Variants in SLCO6A1 observed in about 807,000 individuals in gnomAD.
SLCO6A1 encodes the protein cancer/testis antigen 48.
In SLCO6A1, 65 loss-of-function variants were observed where a neutral mutation model predicts 72.7. The ratio of observed to expected loss-of-function variants is 0.89; its 90% CI spans 0.73 to 1.10. The LOEUF is 1.10. Among genes scored for constraint, SLCO6A1 ranks in the 50% least tolerant of loss-of-function variants. SLCO6A1 has a pLI of 0.00. For missense variants in SLCO6A1, 874 were observed against 872.6 expected (o/e 1.00, Z -0.02); for synonymous variants, 314 against 298.2 (o/e 1.05, Z -0.55).
At chr5:102,491,318 G>C (rs551846549) in intron 1 of SLCO6A1, among the ~76,000 whole-genome samples, 59 of 152,376 alleles carry the variant, frequency 3.9e-4, no homozygotes, top group Non-Finnish European at 7.3e-4. Flanking sequence ...CAGGAGCCCA[G>C]ATGGCTTCAC....
chr5:102,382,952 G>GAT (rs1307792720), intron 12 of SLCO6A1, among the ~76,000 whole-genome samples: 4 of 139,270 alleles, frequency 2.9e-5, no homozygotes, highest in Non-Finnish European at 4.6e-5. Flanking sequence ...ATATATATGA[G>GAT]AGATATATAT....
At chr5:102,471,632 A>T (rs115383460) in intron 4 of SLCO6A1, among the ~76,000 whole-genome samples, 3,539 of 152,184 alleles carry the variant, frequency 0.023, 98 homozygotes, top group African/African-American at 0.068. Context: ...AACCTGTGAT[A>T]ATTTTAATAA....
chr5:102,421,621 T>A (rs187061983), intron 7 of SLCO6A1, among the ~76,000 whole-genome samples: 1 of 152,190 alleles, frequency 6.6e-6, no homozygotes, highest in Admixed American at 6.5e-5. Flanking sequence ...GCAGCCCCAG[T>A]CTGGGGCTTA....
At chr5:102,412,623 C>A (rs540656416) in intron 9 of SLCO6A1, among the ~76,000 whole-genome samples, 3 of 151,820 alleles carry the variant, frequency 2.0e-5, no homozygotes, top group African/African-American at 7.3e-5. Context: ...TAGCTGTGTG[C>A]GGTGGTGTGC....
At chr5:102,497,825 C>T (rs1234834011) in intron 1 of SLCO6A1, among the ~76,000 whole-genome samples, 1 of 152,204 alleles carries the variant, frequency 6.6e-6, no homozygotes, top group Non-Finnish European at 1.5e-5. Context: ...GCAGGACTAA[C>T]AAATTATCTA....
chr5:102,447,265 G>T (rs1245337790), intron 6 of SLCO6A1, among the ~76,000 whole-genome samples: 3 of 152,104 alleles, frequency 2.0e-5, no homozygotes, highest in Non-Finnish European at 4.4e-5. Flanking sequence ...GATTCAGTTT[G>T]CTAGTATTTT....
intron 6 of SLCO6A1, among the ~76,000 whole-genome samples, chr5:102,441,611 C>T (rs1322977733): frequency 6.6e-6 from 1 of 151,986 alleles, no homozygotes; most frequent in Non-Finnish European, 1.5e-5. Flanking sequence ...ATTGATTATA[C>T]TTGCATTGGA....
At chr5:102,476,755 G>T (rs1226538745) in intron 3 of SLCO6A1, among the ~76,000 whole-genome samples, 1 of 151,754 alleles carries the variant, frequency 6.6e-6, no homozygotes, top group Non-Finnish European at 1.5e-5. Context: ...TTAATTTGGG[G>T]TGCTCTAGCA....
intron 6 of SLCO6A1, among the ~76,000 whole-genome samples, chr5:102,457,447 G>A (rs1750788125): frequency 6.6e-6 from 1 of 151,680 alleles, no homozygotes; most frequent in Non-Finnish European, 1.5e-5. Flanking sequence ...CAAAGGATAT[G>A]AACAGACACT....
At chr5:102,389,282 T>C (rs1349791377) in intron 11 of SLCO6A1, among the ~76,000 whole-genome samples, 2 of 152,078 alleles carry the variant, frequency 1.3e-5, no homozygotes, top group African/African-American at 2.4e-5. Flanking sequence ...TAACTGAAAA[T>C]GCAAATACAC....
chr5:102,446,824 G>A (rs1372120323), intron 6 of SLCO6A1, among the ~76,000 whole-genome samples: 3 of 152,042 alleles, frequency 2.0e-5, no homozygotes, highest in Admixed American at 6.6e-5. Flanking sequence ...GAGCGATCTC[G>A]GCTCACCGCA....
At chr5:102,450,478 C>T (rs1233820765) in intron 6 of SLCO6A1, among the ~76,000 whole-genome samples, 7 of 152,224 alleles carry the variant, frequency 4.6e-5, no homozygotes, top group African/African-American at 1.2e-4. Flanking sequence ...GGCTCTTGCT[C>T]AGCCATGCAG....
At chr5:102,475,915 C>T in intron 3 of SLCO6A1, 122 bp from the exon 4 acceptor site, 1 of 564,528 alleles carries the variant, frequency 1.8e-6, no homozygotes, top group Non-Finnish European at 3.0e-6. Flanking sequence ...TTAGTCAGAG[C>T]TCTCCAGAGA....
At chr5:102,403,536 T>C (rs1301971985) in intron 9 of SLCO6A1, among the ~76,000 whole-genome samples, 1 of 152,158 alleles carries the variant, frequency 6.6e-6, no homozygotes, top group Non-Finnish European at 1.5e-5. Flanking sequence ...CTCCCATTTG[T>C]ATAGAAAAGA....
chr5:102,374,634 C>A (rs1745679767), intron 12 of SLCO6A1, among the ~76,000 whole-genome samples: 1 of 151,968 alleles, frequency 6.6e-6, no homozygotes, highest in South Asian at 2.1e-4. Context: ...TGATTCTATG[C>A]CATTTATAAT....
chr5:102,393,197 G>T (rs183245525), intron 10 of SLCO6A1, among the ~76,000 whole-genome samples: 1 of 151,948 alleles, frequency 6.6e-6, no homozygotes. Context: ...ATATAAGAAC[G>T]AAAGTGATAT....
chr5:102,464,647 G>A (rs1751220836), intron 4 of SLCO6A1, among the ~76,000 whole-genome samples: 1 of 152,182 alleles, frequency 6.6e-6, no homozygotes, highest in Non-Finnish European at 1.5e-5. Flanking sequence ...GGAGACAGAA[G>A]TTAAGTGAAC....
chr5:102,410,164 G>A (rs1580373572), intron 9 of SLCO6A1, among the ~76,000 whole-genome samples: 1 of 152,282 alleles, frequency 6.6e-6, no homozygotes, highest in East Asian at 1.9e-4. Flanking sequence ...ACTGCAGTGG[G>A]TAGCTCCTCT....
At chr5:102,485,289 TAAATA>T (rs563350296) in intron 1 of SLCO6A1, among the ~76,000 whole-genome samples, 14,351 of 143,264 alleles carry the variant, frequency 0.1, 982 homozygotes, top group African/African-American at 0.2. Flanking sequence ...AATAAATAAA[TAAATA>T]AAATAAAATA....
Sources: gnomAD v4.1 joint callset for allele counts (sites outside exome capture counted in the v4.1 genomes callset) on GRCh38, gnomAD v4.1.1 for gene constraint, MANE v1.5 for transcripts, NCBI Gene and HGNC (gene_info 2026-07-23, HGNC 2026-07-21) for gene names.